SPG21: variants seen among roughly 807,000 people sequenced by gnomAD.
SPG21 encodes the protein SPG21 abhydrolase domain containing, maspardin.
In SPG21, 26 loss-of-function variants were observed where a neutral mutation model predicts 38.9. The observed-to-expected ratio is 0.67, with a 90% CI of 0.49 to 0.93. The LOEUF (loss-of-function observed/expected upper bound fraction) is 0.93. Among genes scored for constraint, SPG21 ranks in the 40% least tolerant of loss-of-function variants. The pLI is 0.00. For missense variants in SPG21, 333 were observed against 376.5 expected (o/e 0.88, Z 0.96); for synonymous variants, 136 against 128.9 (o/e 1.05, Z -0.37).
At chr15:64,968,559 T>C (rs1352318211) in intron 7 of SPG21, among the ~76,000 whole-genome samples, 1 of 152,160 alleles carries the variant, frequency 6.6e-6, no homozygotes, top group Non-Finnish European at 1.5e-5. Context: ...ACAGGAGTTA[T>C]TGTTTAATGG....
chr15:64,975,243 G>A (rs555255019), intron 4 of SPG21, among the ~76,000 whole-genome samples: 19 of 147,664 alleles, frequency 1.3e-4, no homozygotes, highest in African/African-American at 4.5e-4. Flanking sequence ...AGCCAAGATC[G>A]CACCACTGCA....
intron 5 of SPG21, among the ~76,000 whole-genome samples, chr15:64,972,507 A>AATGCTGAG (rs1254678485): frequency 6.6e-6 from 1 of 152,224 alleles, no homozygotes; most frequent in Admixed American, 6.5e-5. Context: ...TTGTTGCATG[A>AATGCTGAG]ATGCTGAGTA....
intron 1 of SPG21, chr15:64,988,537 T>C (rs1457332382): frequency 6.6e-6 from 1 of 152,226 alleles, no homozygotes; most frequent in African/African-American, 2.4e-5. Context: ...GCTATCCTTT[T>C]CTTAGATCTC....
intron 4 of SPG21, among the ~76,000 whole-genome samples, chr15:64,974,965 TA>T (rs1184105595): frequency 1.3e-5 from 2 of 151,840 alleles, no homozygotes; most frequent in African/African-American, 2.4e-5. Flanking sequence ...GTTATATAAT[TA>T]AAAAAAATAT....
intron 8 of SPG21, 48 bp downstream of exon 8, chr15:64,965,272 A>C: frequency 6.2e-7 from 1 of 1,613,426 alleles, no homozygotes; most frequent in Non-Finnish European, 8.5e-7. Context: ...TTTATGTTGC[A>C]AACATATGTT....
chr15:64,966,218 A>G (rs1158512117), intron 7 of SPG21, among the ~76,000 whole-genome samples: 4 of 152,196 alleles, frequency 2.6e-5, no homozygotes, highest in East Asian at 3.8e-4. Flanking sequence ...GTAGAGTACA[A>G]GCTATTCTTT....
At chr15:64,980,159 A>G (rs1450459810) in intron 3 of SPG21, among the ~76,000 whole-genome samples, 2 of 152,154 alleles carry the variant, frequency 1.3e-5, no homozygotes, top group South Asian at 2.1e-4. Context: ...TAAAATGAGG[A>G]GCAGAAACAG....
At chr15:64,964,063 T>C (rs1387959694) in intron 8 of SPG21, among the ~76,000 whole-genome samples, 1 of 152,100 alleles carries the variant, frequency 6.6e-6, no homozygotes, top group African/African-American at 2.4e-5. Flanking sequence ...GCCAGAATCA[T>C]TGTTTTAAAT....
At chr15:64,969,090 A>C (rs1221576584) in intron 7 of SPG21, among the ~76,000 whole-genome samples, 165 bp downstream of exon 7, 2 of 152,164 alleles carry the variant, frequency 1.3e-5, no homozygotes, top group Non-Finnish European at 2.9e-5. Flanking sequence ...ATCCAAGATA[A>C]GCAATAAACA....
chr15:64,963,701 C>T lies in SPG21; in HGVS notation c.846G>A (p.Ala282=), dbSNP rs146986015. 7.3e-4 allele frequency: 1,183 copies of T among 1,614,038 alleles called. 2 individuals carry two copies. Among genetic ancestry groups the T allele is most frequent in the Middle Eastern group, 1.8e-3 (11 of 6,036 alleles). Residue 282 remains alanine (A), a synonymous_variant, in exon 9 of 9, where the codon GCG becomes GCA. Coordinates refer to ENST00000204566, the MANE Select transcript of SPG21 (RefSeq NM_016630.7). ...CACTGACCATTGATGGGTCAATGGC[C>T]GCGTATTTGGTTCCATGGAATTGCA... ...HLLQFHGTKY[A]AIDPSMVSAE... is the part of the protein sequence containing the mutation.
chr15:64,977,874 G>A (rs569973394), intron 3 of SPG21, among the ~76,000 whole-genome samples: 1 of 152,162 alleles, frequency 6.6e-6, no homozygotes, highest in East Asian at 2.0e-4. Context: ...CCAGGCTGGA[G>A]TGCAGTGGCG....
chr15:64,986,680 AAAAACAAAACAAAAC>A (rs5813336), intron 1 of SPG21, among the ~76,000 whole-genome samples: 24 of 148,760 alleles, frequency 1.6e-4, no homozygotes, highest in Admixed American at 2.0e-4. Context: ...AGTCTGTCTC[AAAAACAAAACAAAAC>A]AAAACAAAAC....
chr15:64,976,273 A>T (rs1380800853), intron 4 of SPG21, among the ~76,000 whole-genome samples: 2 of 152,106 alleles, frequency 1.3e-5, no homozygotes, highest in East Asian at 3.9e-4. Flanking sequence ...AAAAATACAA[A>T]AACTAGCCGG....
chr15:64,970,646 A>G (rs2085643709), intron 5 of SPG21, among the ~76,000 whole-genome samples: 4 of 152,236 alleles, frequency 2.6e-5, no homozygotes, highest in African/African-American at 7.2e-5. Flanking sequence ...TACCAATATG[A>G]AAGCTATTGC....
At chr15:64,987,234 A>C (rs1191334907) in intron 1 of SPG21, 2 of 152,258 alleles carry the variant, frequency 1.3e-5, no homozygotes, top group African/African-American at 4.8e-5. Flanking sequence ...GTAATCTTAC[A>C]AGATGGAGAG....
intron 5 of SPG21, among the ~76,000 whole-genome samples, chr15:64,973,993 CATA>C (rs66657570): frequency 0.9 from 136,200 of 152,022 alleles, 61,831 homozygotes; most frequent in East Asian, 0.99. Flanking sequence ...ACTGTTTACA[CATA>C]ATAATAAGTG....
chr15:64,974,467 T>C, intron 5 of SPG21, 135 bp downstream of exon 5: 1 of 1,032,068 alleles, frequency 9.7e-7, no homozygotes, highest in Non-Finnish European at 1.4e-6. Flanking sequence ...AGAGCAAGAC[T>C]CTGTCTCAAA....
intron 4 of SPG21, among the ~76,000 whole-genome samples, chr15:64,975,527 CAA>C (rs34728521): frequency 1.3e-4 from 16 of 126,116 alleles, no homozygotes; most frequent in Admixed American, 1.6e-4. Context: ...AAGCCTGTCT[CAA>C]AAAAAAAAAA....
In SPG21 at chr15:64,989,649, C is replaced by T. The variant is rs2086075173; in HGVS notation, c.-25+16G>A. The T allele has an allele frequency of 6.5e-6, 1 of 153,074 alleles. No homozygotes were observed. The highest frequency in any genetic ancestry group is 2.4e-5 in the African/African-American group (1 of 41,382). The allele number at this position is 153,074 out of a possible 1,614,324, so 9.5% of individuals were successfully genotyped here. On this transcript the variant is annotated intron_variant, in intron 1 of 8. Transcript: ENST00000204566. Reference sequence around the variant, plus strand: ...CCGCACACCCAGCCGCTTCCCAGGGCTTCGCCCACCCTCACCTGCCGTGGC... The same window carrying T: ...CCGCACACCCAGCCGCTTCCCAGGGTTTCGCCCACCCTCACCTGCCGTGGC...
Sources: allele counts gnomAD v4.1 joint callset (sites outside exome capture counted in the v4.1 genomes callset), GRCh38; gene constraint gnomAD v4.1.1; transcripts MANE v1.5; gene names NCBI Gene and HGNC (gene_info 2026-07-23, HGNC 2026-07-21).